The following OVCH1 variants were observed in gnomAD, a reference collection of about 807,000 sequenced individuals.
The protein encoded by OVCH1 is ovochymase 1.
OVCH1 carries 139 observed loss-of-function variants against 138.4 expected under a neutral mutation model. The observed-to-expected ratio is 1.00, with a 90% confidence interval of 0.87 to 1.16. The LOEUF (loss-of-function observed/expected upper bound fraction) is 1.16, where lower values mean the gene tolerates loss of function less well. Among genes scored for constraint, OVCH1 ranks in the 50% most tolerant of loss-of-function variants. The pLI, the probability that OVCH1 is intolerant of heterozygous loss-of-function variation, is 0.00. For missense variants in OVCH1, 1,367 were observed against 1,357.9 expected (o/e 1.01, Z -0.11); for synonymous variants, 453 against 467.8 (o/e 0.97, Z 0.41).
At chr12:29,472,933 A>G in intron 15 of OVCH1, 96 bp downstream of exon 15, 1 of 1,016,012 alleles carries the variant, frequency 9.8e-7, no homozygotes, top group South Asian at 1.6e-5. Flanking sequence ...TTCACTGTGG[A>G]GTTATAGCCA....
intron 8 of OVCH1, among the ~76,000 whole-genome samples, chr12:29,479,815 CT>C (rs927619162): frequency 3.9e-5 from 5 of 126,824 alleles, no homozygotes; most frequent in African/African-American, 1.1e-4. Flanking sequence ...ATTGGCAACT[CT>C]TTTTTTTCTT....
At chr12:29,487,046 C>CA in intron 7 of OVCH1, 1 of 392,640 alleles carries the variant, frequency 2.5e-6, no homozygotes, top group Non-Finnish European at 5.2e-6. Context: ...AAAGCCCTGT[C>CA]AGGTGGCTGC....
At chr12:29,467,759 T>C (rs990838262) in intron 16 of OVCH1, among the ~76,000 whole-genome samples, 2 of 152,162 alleles carry the variant, frequency 1.3e-5, no homozygotes, top group African/African-American at 4.8e-5. Context: ...CACCAGATTT[T>C]CCTAAGTGTG....
intron 18 of OVCH1, 103 bp from the exon 19 acceptor site, chr12:29,462,111 AG>A: frequency 7.7e-7 from 1 of 1,300,620 alleles, no homozygotes; most frequent in Non-Finnish European, 1.1e-6. Flanking sequence ...ACATAGCTGA[AG>A]TCATTCAGTT....
intron 25 of OVCH1, among the ~76,000 whole-genome samples, chr12:29,442,057 A>G (rs988921827): frequency 3.3e-5 from 5 of 151,190 alleles, no homozygotes; most frequent in South Asian, 2.1e-4. Flanking sequence ...TGTGGAAGTC[A>G]GTGTGGCGAT....
Position 29,440,964 on chromosome 12 carries a change from C to T in OVCH1, c.3158-1530G>A, listed in dbSNP as rs75680052. ...TTCTCTGGGCTTTTACTTCATTACGCATTGGTATCCTTGATTAAGTAAACT... is the reference window on the plus strand; with the variant it reads ...TTCTCTGGGCTTTTACTTCATTACGTATTGGTATCCTTGATTAAGTAAACT... On this transcript the variant is annotated intron_variant, in intron 25 of 27. Coordinates refer to ENST00000318184, the Ensembl canonical transcript of OVCH1. Among the ~76,000 whole-genome samples, 7 of 152,286 alleles carry T rather than the reference C, an allele frequency of 4.6e-5. No individual in the cohort carries two copies. The East Asian group carries it at 1.4e-3, about 29-fold the overall frequency.
chr12:29,445,756 TC>T (rs1377296925), intron 22 of OVCH1, among the ~76,000 whole-genome samples: 2 of 152,110 alleles, frequency 1.3e-5, no homozygotes, highest in Admixed American at 6.6e-5. Flanking sequence ...ACCATGAAGA[TC>T]TATGATGGAA....
chr12:29,426,974 G>C (rs1197232256), downstream of OVCH1, among the ~76,000 whole-genome samples: 1 of 152,132 alleles, frequency 6.6e-6, no homozygotes, highest in African/African-American at 2.4e-5. Flanking sequence ...GTGTAGACAA[G>C]AGCCTCATAA....
chr12:29,411,975 C>T (rs1308764660), downstream of OVCH1, among the ~76,000 whole-genome samples: 104 of 98,296 alleles, frequency 1.1e-3, no homozygotes, highest in African/African-American at 2.6e-3. Context: ...CAAGCTTCCC[C>T]GCTGCTTTAT....
chr12:29,410,264 A>G (rs1256340295), downstream of OVCH1, among the ~76,000 whole-genome samples: 4 of 144,816 alleles, frequency 2.8e-5, no homozygotes, highest in East Asian at 2.0e-4. Context: ...TCTTTATCCA[A>G]TTTGCCAGTC....
chr12:29,410,959 A>G (rs559744749), downstream of OVCH1, among the ~76,000 whole-genome samples: 3 of 152,120 alleles, frequency 2.0e-5, no homozygotes, highest in East Asian at 5.8e-4. Flanking sequence ...AATCAGACAT[A>G]GATTTGGTCT....
At chr12:29,420,021 C>T (rs73276826) in intron 3 of OVCH1, among the ~76,000 whole-genome samples, 13,745 of 152,162 alleles carry the variant, frequency 0.09, 654 homozygotes, top group African/African-American at 0.12. Context: ...GAAGGAACTG[C>T]TACTTTGAAG....
chr12:29,410,255 C>G (rs996550889), downstream of OVCH1, among the ~76,000 whole-genome samples: 1 of 144,874 alleles, frequency 6.9e-6, no homozygotes, highest in Non-Finnish European at 1.6e-5. Flanking sequence ...GGTCTTGACT[C>G]TTTATCCAAT....
At chr12:29,481,146 T>G (rs1357120185) in intron 8 of OVCH1, among the ~76,000 whole-genome samples, 4 of 151,976 alleles carry the variant, frequency 2.6e-5, no homozygotes, top group African/African-American at 9.7e-5. Flanking sequence ...TAACCTGTAG[T>G]TCAAATTCTC....
chr12:29,461,645 G>C (rs983427721), intron 19 of OVCH1: 1 of 653,726 alleles, frequency 1.5e-6, no homozygotes, highest in Non-Finnish European at 2.7e-6. Context: ...CTTTGTCGCT[G>C]TACAGCTGCT....
chr12:29,410,438 C>T (rs1252021056), downstream of OVCH1, among the ~76,000 whole-genome samples: 18 of 151,338 alleles, frequency 1.2e-4, no homozygotes, highest in Non-Finnish European at 2.1e-4. Context: ...GATTTTGCAG[C>T]GGCTGATACC....
chr12:29,420,409 C>T (rs1941086330), intron 3 of OVCH1, among the ~76,000 whole-genome samples: 1 of 150,392 alleles, frequency 6.6e-6, no homozygotes, highest in Non-Finnish European at 1.5e-5. Context: ...TCATTATCTC[C>T]ATTTTATAGA....
At position 29,451,452 on chromosome 12, in the gene OVCH1, C is replaced by G. The variant is rs775682714; in HGVS notation, c.2648G>C (p.Ser883Thr). ...ATACTCAATGGTAAATTTTGCCATA[C>G]TGCTTGCTGAAACTCTGAGCACCCA... The change falls in exon 22 of 28, where the codon AGT (serine) becomes ACT (threonine). Residue 883 changes from serine (S) to threonine (T), a missense_variant. Coordinates refer to ENST00000318184, the Ensembl canonical transcript of OVCH1. The G allele has an allele frequency of 1.5e-5, 24 of 1,613,202 alleles. No homozygotes were observed. The highest frequency in any genetic ancestry group is 2.7e-5 in the African/African-American group (2 of 74,862).
At chr12:29,410,411 T>A (rs1484507671), downstream of OVCH1, among the ~76,000 whole-genome samples, 1 of 151,612 alleles carries the variant, frequency 6.6e-6, no homozygotes, top group Non-Finnish European at 1.5e-5. Flanking sequence ...GTCTTGATGG[T>A]CTTTACATTT....
Sources: gnomAD v4.1 joint callset for allele counts (sites outside exome capture counted in the v4.1 genomes callset) on GRCh38, gnomAD v4.1.1 for gene constraint, MANE v1.5 for transcripts, NCBI Gene and HGNC (gene_info 2026-07-23, HGNC 2026-07-21) for gene names.